Variants in KLHL4 observed in about 807,000 individuals in gnomAD.
The protein encoded by KLHL4 is kelch like family member 4.
Under a neutral mutation model 45.8 loss-of-function variants are expected in KLHL4, and 17 were observed. That is an observed-to-expected ratio of 0.37 (90% CI 0.25 to 0.56). KLHL4 has a LOEUF of 0.56. KLHL4 is among the 20% of genes least tolerant of loss of function. The pLI, the probability that KLHL4 is intolerant of heterozygous loss-of-function variation, is 0.79. For synonymous variants in KLHL4, 224 were observed against 189.9 expected, an observed-to-expected ratio of 1.18 and a Z score of -1.47; for missense variants, 544 against 544.9, an observed-to-expected ratio of 1.00 and a Z score of 0.02.
At chrX:87,540,369 A>G (rs1262000279) in intron 1 of KLHL4, among the ~76,000 whole-genome samples, 3 of 112,098 alleles carry the variant, frequency 2.7e-5, no homozygotes, top group Non-Finnish European at 5.6e-5. Context: ...TTATATTTTT[A>G]ACTTTTGATG....
chrX:87,645,146 G>A (rs1488341727), intron 9 of KLHL4, among the ~76,000 whole-genome samples: 6 of 111,540 alleles, frequency 5.4e-5, no homozygotes, highest in Non-Finnish European at 9.4e-5. Context: ...TTCACGATCC[G>A]TACATCTGAC....
Position 87,664,909 on chromosome X carries a change from G to A in KLHL4, c.2071G>A (p.Asp691Asn), listed in dbSNP as rs1441651935. Residue 691 changes from aspartate to asparagine, a missense_variant, in exon 10 of 11, where the codon GAT becomes AAT. Transcript: ENST00000373119. ...TTATTTGAACACAGTTGAGTCATAT[G>A]ATGCACAGAGAAATGAATGGAAAGA... ...HTYLNTVESY[D>N]AQRNEWKEEV... The A allele has an allele frequency of 8.6e-7, 1 of 1,168,555 alleles. No individual in the cohort carries two copies. Among genetic ancestry groups the A allele is most frequent in the Non-Finnish European group, 1.2e-6 (1 of 864,217 alleles).
chrX:87,606,006 T>C (rs1438785313), intron 1 of KLHL4, among the ~76,000 whole-genome samples: 2 of 111,591 alleles, frequency 1.8e-5, no homozygotes, highest in East Asian at 2.8e-4. Context: ...GTCTTGTTTG[T>C]TTTCTTAATG....
At chrX:87,637,458 A>G (rs1306076450) in intron 9 of KLHL4, among the ~76,000 whole-genome samples, 1 of 111,671 alleles carries the variant, frequency 9.0e-6, no homozygotes, top group Non-Finnish European at 1.9e-5. Context: ...GCAGTAGCTC[A>G]CCAGCAATGG....
intron 1 of KLHL4, among the ~76,000 whole-genome samples, chrX:87,531,232 T>A (rs1411349353): frequency 4.5e-5 from 5 of 110,686 alleles, no homozygotes; most frequent in Non-Finnish European, 7.6e-5. Flanking sequence ...TTCACTCTGA[T>A]GGTAGTTTCT....
At chrX:87,574,416 A>G (rs940865599) in intron 1 of KLHL4, among the ~76,000 whole-genome samples, 1 of 111,756 alleles carries the variant, frequency 8.9e-6, no homozygotes, top group Non-Finnish European at 1.9e-5. Flanking sequence ...TGAAACAATG[A>G]TAGCATCCAA....
chrX:87,615,277 T>G (rs1194319168), intron 3 of KLHL4, among the ~76,000 whole-genome samples: 3 of 111,272 alleles, frequency 2.7e-5, no homozygotes, highest in Non-Finnish European at 5.7e-5. Flanking sequence ...TTTTAAATAT[T>G]TGTAAAGTAT....
At chrX:87,624,856 A>G (rs1922872887) in intron 5 of KLHL4, among the ~76,000 whole-genome samples, 1 of 112,402 alleles carries the variant, frequency 8.9e-6, no homozygotes, top group Non-Finnish European at 1.9e-5. Flanking sequence ...CATGTATCTC[A>G]ACTCAGTTAA....
At chrX:87,636,520 C>T (rs1465547351) in intron 9 of KLHL4, among the ~76,000 whole-genome samples, 3 of 111,634 alleles carry the variant, frequency 2.7e-5, no homozygotes, top group Admixed American at 9.5e-5. Context: ...CAGGGATAGC[C>T]GTAGCAATGT....
intron 10 of KLHL4, among the ~76,000 whole-genome samples, chrX:87,665,884 A>C (rs1292442734): frequency 7.2e-5 from 8 of 111,532 alleles, no homozygotes; most frequent in Non-Finnish European, 1.5e-4. Flanking sequence ...AGAAACCCTC[A>C]AATGCTACAA....
intron 1 of KLHL4, among the ~76,000 whole-genome samples, chrX:87,589,969 C>T (rs1602431719): frequency 2.9e-5 from 3 of 104,770 alleles, no homozygotes; most frequent in South Asian, 9.1e-4. Context: ...ACCCAGGAGG[C>T]GGAGGTTGCG....
chrX:87,568,388 T>C (rs867330433), intron 1 of KLHL4, among the ~76,000 whole-genome samples: 1 of 52,386 alleles, frequency 1.9e-5, no homozygotes, highest in African/African-American at 7.5e-5. Flanking sequence ...CTTTTCTTTT[T>C]TTCTTTTTTT....
At chrX:87,604,290 A>G (rs893981297) in intron 1 of KLHL4, among the ~76,000 whole-genome samples, 1 of 110,994 alleles carries the variant, frequency 9.0e-6, no homozygotes, top group African/African-American at 3.3e-5. Context: ...TCTATCAGTC[A>G]CATAGGTATT....
chrX:87,589,927 A>G (rs1157059882), intron 1 of KLHL4, among the ~76,000 whole-genome samples: 2 of 108,910 alleles, frequency 1.8e-5, no homozygotes, highest in African/African-American at 6.7e-5. Context: ...AATCCCAGCT[A>G]CGTGGGAGGC....
chrX:87,593,252 A>C (rs909911315), intron 1 of KLHL4, among the ~76,000 whole-genome samples: 2 of 111,364 alleles, frequency 1.8e-5, no homozygotes, highest in Non-Finnish European at 3.8e-5. Flanking sequence ...GTGTCTAGTG[A>C]ATATTTCTTC....
intron 1 of KLHL4, among the ~76,000 whole-genome samples, chrX:87,523,443 T>G (rs1931042657): frequency 1.8e-5 from 2 of 111,212 alleles, no homozygotes; most frequent in African/African-American, 6.5e-5. Context: ...AAAACTTAAG[T>G]CAAAATCAAT....
chrX:87,574,371 A>T (rs1161321146), intron 1 of KLHL4, among the ~76,000 whole-genome samples: 2 of 111,822 alleles, frequency 1.8e-5, no homozygotes, highest in Admixed American at 1.9e-4. Flanking sequence ...CTTTAAAAAA[A>T]TCAAGTGTTG....
intron 4 of KLHL4, among the ~76,000 whole-genome samples, chrX:87,620,087 T>C (rs1399397986): frequency 9.0e-6 from 1 of 111,405 alleles, no homozygotes; most frequent in African/African-American, 3.3e-5. Flanking sequence ...CGTTACCCAG[T>C]CAAGTTCATA....
chrX:87,551,467 A>G (rs6617413), intron 1 of KLHL4, among the ~76,000 whole-genome samples: 26,517 of 110,246 alleles, frequency 0.24, 2,750 homozygotes, highest in East Asian at 0.5. Context: ...TGAAAATACT[A>G]CCATCATTCT....
Sources: gnomAD v4.1 joint callset for allele counts (sites outside exome capture counted in the v4.1 genomes callset) on GRCh38, gnomAD v4.1.1 for gene constraint, MANE v1.5 for transcripts, NCBI Gene and HGNC (gene_info 2026-07-23, HGNC 2026-07-21) for gene names.